MRTO4: variants seen among roughly 807,000 people sequenced by gnomAD.
MRTO4 encodes mRNA turnover protein 4 homolog.
MRTO4 carries 7 observed loss-of-function variants against 28.6 expected under a neutral mutation model. The observed-to-expected ratio is 0.24, with a 90% CI of 0.14 to 0.46. MRTO4 has a LOEUF of 0.46. MRTO4 is among the 20% of genes least tolerant of loss of function. The pLI, the probability that MRTO4 is intolerant of heterozygous loss-of-function variation, is 0.99. For synonymous variants in MRTO4, 113 were observed against 108.2 expected (o/e 1.04, Z -0.27); for missense variants, 302 against 298.3 (o/e 1.01, Z -0.09).
rs2093669499 is a variant in MRTO4, at chr1:19,255,123, G to A, written c.87+283G>A. On this transcript the variant is annotated intron_variant, in intron 2 of 7. Transcript: ENST00000330263. ...CATCCTCATAACATCCCTGTGATGTGGGTACTAGGTGATGATGTTGCTGTT... is the reference window on the plus strand; with the variant it reads ...CATCCTCATAACATCCCTGTGATGTAGGTACTAGGTGATGATGTTGCTGTT... 1.3e-5 allele frequency among the ~76,000 whole-genome samples: 2 copies of A among 152,094 alleles called. 1 individual carries two copies. Among genetic ancestry groups the A allele is most frequent in the African/African-American group, 4.8e-5 (2 of 41,390 alleles).
chr1:19,258,578 T>A, intron 7 of MRTO4, 25 bp downstream of exon 7: 1 of 1,614,062 alleles, frequency 6.2e-7, no homozygotes, highest in Non-Finnish European at 8.5e-7. Flanking sequence ...TTGCGGGCTG[T>A]TGCGGGCGGG....
Position 19,257,975 on chromosome 1 carries a change from C to T in MRTO4, c.484C>T (p.Leu162Phe), listed in dbSNP as rs1424413099. 2 of 1,613,900 alleles carry T rather than the reference C, an allele frequency of 1.2e-6. No individual in the cohort carries two copies. Among genetic ancestry groups the T allele is most frequent in the Admixed American group, 1.7e-5 (1 of 60,026 alleles). ...CAGGCAGCTGGGCCTGCCCACCGCC[C>T]TCAAGAGAGGTATGGGCAGCCCTGG... ...QLRQLGLPTA[L>F]KRGVVTLLSD... is the part of the protein sequence containing the mutation. Residue 162 changes from leucine to phenylalanine, a missense_variant, in exon 6 of 8, where the codon CTC becomes TTC. Physicochemically the swap from Leu to Phe is conservative, Grantham distance 22. Transcript: ENST00000330263.
intron 6 of MRTO4, 22 bp downstream of exon 6, chr1:19,258,006 A>G: frequency 4.3e-6 from 7 of 1,612,062 alleles, no homozygotes; most frequent in Non-Finnish European, 5.9e-6. Context: ...CCTGGAGCCA[A>G]AAGGTCACAG....
At position 19,257,946 on chromosome 1, in the gene MRTO4, A is replaced by G. The variant is rs558244885; in HGVS notation, c.455A>G (p.Gln152Arg). The change falls in exon 6 of 8, where the codon CAG becomes CGG. Residue 152 changes from glutamine (Q) to arginine (R), a missense_variant. By Grantham distance (43) the Gln-to-Arg change is conservative. Coordinates refer to ENST00000330263, the MANE Select transcript of MRTO4 (RefSeq NM_016183.4). ...CAGTTCCCCCACTCCATGGAGCCAC[A>G]GCTCAGGCAGCTGGGCCTGCCCACC... ...LEQFPHSMEP[Q>R]LRQLGLPTAL... is the part of the protein sequence containing the mutation. 2.0e-5 allele frequency: 33 copies of G among 1,614,052 alleles called. No individual in the cohort carries two copies. In the South Asian group the frequency reaches 3.6e-4, roughly 18 times the overall value.
chr1:19,258,389 T>C, intron 6 of MRTO4, 88 bp from the exon 7 acceptor site: 1 of 1,517,986 alleles, frequency 6.6e-7, no homozygotes, highest in Non-Finnish European at 9.1e-7. Flanking sequence ...GGCAGGTGGC[T>C]GACTGGATTC....
At chr1:19,253,494 G>C (rs2093666785) in intron 1 of MRTO4, among the ~76,000 whole-genome samples, 1 of 152,218 alleles carries the variant, frequency 6.6e-6, no homozygotes, top group African/African-American at 2.4e-5. Flanking sequence ...GGACCCATGT[G>C]ATTTACCTTT....
chr1:19,257,051 T>C lies in MRTO4; in HGVS notation c.192-13T>C. ...CTCTTCCTTCACAGAATGCTCTTTC[T>C]CTTGCTTGGTAGGATGTTCTTTGGC... is the stretch of plus-strand genomic sequence containing the variant. On this transcript the variant is annotated splice_polypyrimidine_tract_variant and intron_variant, in intron 3 of 7. Transcript: ENST00000330263. 6.2e-7 allele frequency: 1 copy of C among 1,613,524 alleles called. No individual in the cohort carries two copies. The highest frequency in any genetic ancestry group is 8.5e-7 in the Non-Finnish European group (1 of 1,179,616).
intron 6 of MRTO4, 21 bp downstream of exon 6, chr1:19,258,005 A>G (rs929276351): frequency 1.2e-6 from 2 of 1,611,764 alleles, no homozygotes; most frequent in Middle Eastern, 1.7e-4. Context: ...CCCTGGAGCC[A>G]AAAGGTCACA....
intron 1 of MRTO4, 134 bp from the exon 2 acceptor site, chr1:19,254,648 C>T: frequency 3.9e-6 from 3 of 768,254 alleles, no homozygotes. Context: ...AAATGATGGC[C>T]ACAAAGGCCT....
At chr1:19,257,562 A>T (rs767179249) in intron 5 of MRTO4, 41 bp downstream of exon 5, 1 of 1,606,102 alleles carries the variant, frequency 6.2e-7, no homozygotes, top group African/African-American at 1.3e-5. Flanking sequence ...GGCGGGTGAG[A>T]GGGGATTTCA....
intron 1 of MRTO4, chr1:19,252,137 A>G (rs1227084959): frequency 8.0e-6 from 4 of 502,112 alleles, no homozygotes; most frequent in Admixed American, 3.8e-5. Flanking sequence ...GCTCCTGAAC[A>G]CCGCCCCCGG....
chr1:19,257,670 C>G, intron 5 of MRTO4, 149 bp downstream of exon 5: 1 of 1,334,924 alleles, frequency 7.5e-7, no homozygotes. Context: ...GACCACAGCC[C>G]TCTCTGTCCT....
In MRTO4 at chr1:19,258,560, C is replaced by A. The variant is rs2093675124; in HGVS notation, c.570+7C>A. 1.9e-6 allele frequency: 3 copies of A among 1,614,054 alleles called. No individual in the cohort carries two copies. The South Asian group carries it at 3.3e-5, about 18-fold the overall frequency. On this transcript the variant is annotated splice_region_variant and intron_variant, in intron 7 of 7. Coordinates refer to ENST00000330263, the MANE Select transcript of MRTO4 (RefSeq NM_016183.4). ...AGAGCAGGCTCGCGTCCTGGTGAGT[C>A]TGGCGCCTTGCGGGCTGTTGCGGGC...
intron 3 of MRTO4, 130 bp from the exon 4 acceptor site, chr1:19,256,934 T>C: frequency 1.2e-6 from 1 of 804,234 alleles, no homozygotes; most frequent in Middle Eastern, 2.4e-4. Flanking sequence ...CCAGGCAGCA[T>C]GGAGAAGTGG....
chr1:19,252,645 G>T (rs1245625095), intron 1 of MRTO4, among the ~76,000 whole-genome samples: 1 of 152,228 alleles, frequency 6.6e-6, no homozygotes, highest in Non-Finnish European at 1.5e-5. Flanking sequence ...GTTGCAATGA[G>T]CCGAGATCGC....
chr1:19,258,536 G>C lies in MRTO4; in HGVS notation c.553G>C (p.Glu185Gln), dbSNP rs1278791844. 2 of 1,614,098 alleles carry C rather than the reference G, an allele frequency of 1.2e-6. No homozygotes were observed. The highest frequency in any genetic ancestry group is 1.7e-6 in the Non-Finnish European group (2 of 1,180,040). ...CAAGGAGGGCGATGTGCTGACCCCA[G>C]AGCAGGCTCGCGTCCTGGTGAGTCT... ...VCKEGDVLTP[E>Q]QARVLKLFGY... The change falls in exon 7 of 8, where the codon GAG (glutamate) becomes CAG (glutamine). Residue 185 changes from glutamate to glutamine, a missense_variant. Transcript: ENST00000330263.
chr1:19,259,184 G>A lies in MRTO4; in HGVS notation c.*354G>A, dbSNP rs1046887179. On this transcript the variant is annotated 3_prime_UTR_variant, in exon 8 of 8. Transcript: ENST00000330263. ...GGAGGCTGAGGCAGGAGAATCACTTGAACCCGGGAGGTGGAGGTTGCCGTG... is the reference window on the plus strand; with the variant it reads ...GGAGGCTGAGGCAGGAGAATCACTTAAACCCGGGAGGTGGAGGTTGCCGTG... 6.2e-5 allele frequency: 11 copies of A among 176,896 alleles called. No homozygotes were observed. Among genetic ancestry groups the A allele is most frequent in the Admixed American group, 4.4e-4 (8 of 18,248 alleles). The allele number at this position is 176,896 out of a possible 1,614,324, so 11.0% of individuals were successfully genotyped here.
Position 19,258,944 on chromosome 1 carries a change from TG to T in MRTO4, c.*115del, listed in dbSNP as rs751742059. The T allele has an allele frequency of 1.9e-4, 234 of 1,235,714 alleles. 1 individual carries two copies. The Middle Eastern group carries it at 4.1e-3, about 22-fold the overall frequency. 76.5% of individuals were successfully genotyped at this position (1,235,714 alleles called of 1,614,324 possible). A position where few individuals can be genotyped will look rare whatever the true frequency, so the allele number is the denominator to read the frequency against. Reference sequence around the variant, plus strand: ...TTTATTTGTCTGTAGACAGGGAACATGATGGGCACTGACCTCCTGTAAAGAA... The same window carrying T: ...TTTATTTGTCTGTAGACAGGGAACATATGGGCACTGACCTCCTGTAAAGAA... On this transcript the variant is annotated 3_prime_UTR_variant, in exon 8 of 8. Coordinates refer to ENST00000330263, the MANE Select transcript of MRTO4 (RefSeq NM_016183.4).
At chr1:19,252,008 T>C in intron 1 of MRTO4, 145 bp downstream of exon 1, 1 of 1,231,278 alleles carries the variant, frequency 8.1e-7, no homozygotes, top group Non-Finnish European at 1.1e-6. Context: ...CGAGCTGGAA[T>C]GGGGGCTTCG....
Sources: gnomAD v4.1 joint callset for allele counts (sites outside exome capture counted in the v4.1 genomes callset) on GRCh38, gnomAD v4.1.1 for gene constraint, MANE v1.5 for transcripts, NCBI Gene and HGNC (gene_info 2026-07-23, HGNC 2026-07-21) for gene names.